The following NR2F1-AS1 variants were observed in gnomAD, a reference collection of about 807,000 sequenced individuals.
The protein encoded by NR2F1-AS1 is NR2F1 antisense RNA 1.
At chr5:93,491,737 A>G in intron 4 of NR2F1-AS1, among the ~76,000 whole-genome samples, 1 of 152,164 alleles carries the variant, frequency 6.6e-6, no homozygotes, top group East Asian at 1.9e-4. Context: ...CTTGGACATC[A>G]AGGCTCCTGG....
rs943797842 is a variant in NR2F1-AS1 at position 93,489,060 on chromosome 5, G to T, written n.638+64701C>A. Among the ~76,000 whole-genome samples the T allele has an allele frequency of 2.6e-5, 4 of 152,206 alleles. No individual in the cohort carries two copies. The East Asian group carries it at 7.7e-4, about 29-fold the overall frequency. On this transcript the variant is annotated intron_variant and non_coding_transcript_variant, in intron 4 of 5. Coordinates refer to ENST00000660523, the Ensembl canonical transcript of NR2F1-AS1. ...GGGAGTTGAACAATGAGAACACATG[G>T]ACACAGTGGGGGAACATCACACAGT...
intron 4 of NR2F1-AS1, among the ~76,000 whole-genome samples, chr5:93,487,034 T>C (rs181638732): frequency 5.3e-5 from 8 of 152,202 alleles, no homozygotes; most frequent in Admixed American, 5.2e-4. Context: ...AGGCCTTTGA[T>C]AAAATTCAAC....
chr5:93,561,430 T>C (rs1193739591), intron 2 of NR2F1-AS1, among the ~76,000 whole-genome samples: 1 of 152,110 alleles, frequency 6.6e-6, no homozygotes, highest in Admixed American at 6.5e-5. Context: ...AGCATCAGCA[T>C]CAAAGCTAAT....
At chr5:93,512,000 CTA>C (rs1751305334) in intron 4 of NR2F1-AS1, among the ~76,000 whole-genome samples, 1 of 152,056 alleles carries the variant, frequency 6.6e-6, no homozygotes, top group Non-Finnish European at 1.5e-5. Context: ...TAATAAATGA[CTA>C]TGTTACTGGC....
At chr5:93,560,172 A>G (rs1199826687) in intron 2 of NR2F1-AS1, among the ~76,000 whole-genome samples, 1 of 152,220 alleles carries the variant, frequency 6.6e-6, no homozygotes, top group African/African-American at 2.4e-5. Context: ...AATGTGCTTA[A>G]CAGATATTAA....
exon 1 of NR2F1-AS1, chr5:93,580,711 T>G (rs2149935851): frequency 6.5e-6 from 1 of 152,770 alleles, no homozygotes; most frequent in East Asian, 1.9e-4. Flanking sequence ...GAGTACGATT[T>G]AGAATCTGTA....
intron 4 of NR2F1-AS1, among the ~76,000 whole-genome samples, chr5:93,435,154 G>T (rs1478781416): frequency 6.6e-6 from 1 of 152,122 alleles, no homozygotes; most frequent in African/African-American, 2.4e-5. Context: ...TTGCTATAGT[G>T]GTTGCAAAAT....
chr5:93,521,219 C>A (rs1425372413), intron 4 of NR2F1-AS1, among the ~76,000 whole-genome samples: 2 of 152,088 alleles, frequency 1.3e-5, no homozygotes, highest in Non-Finnish European at 2.9e-5. Context: ...AAAATCAACC[C>A]AAGATGGATT....
intron 1 of NR2F1-AS1, among the ~76,000 whole-genome samples, chr5:93,564,209 C>T (rs1467233186): frequency 6.9e-6 from 1 of 145,044 alleles, no homozygotes; most frequent in Admixed American, 7.1e-5. Flanking sequence ...GCAGCGTCAC[C>T]CACCCTAAAG....
rs1258522195 is a variant in NR2F1-AS1 at position 93,426,782 on chromosome 5, T to C, written n.639-31240A>G. Among the ~76,000 whole-genome samples, 3 of 152,198 alleles carry C rather than the reference T, an allele frequency of 2.0e-5. No homozygotes were observed. The East Asian group carries it at 5.8e-4, about 29-fold the overall frequency. Reference sequence around the variant, plus strand: ...GGTAAAAGGAAGAAGAGTGGGAAAGTAAAGAGTGGCAGATAAACAACTTCG... The same window carrying C: ...GGTAAAAGGAAGAAGAGTGGGAAAGCAAAGAGTGGCAGATAAACAACTTCG... On this transcript the variant is annotated intron_variant and non_coding_transcript_variant, in intron 4 of 5. Transcript: ENST00000660523.
intron 4 of NR2F1-AS1, among the ~76,000 whole-genome samples, chr5:93,479,940 G>A (rs1375371661): frequency 6.6e-6 from 1 of 151,968 alleles, no homozygotes; most frequent in Non-Finnish European, 1.5e-5. Flanking sequence ...CAAAAGAAAT[G>A]TTTATCAAAC....
chr5:93,481,081 A>T (rs988403521), intron 4 of NR2F1-AS1, among the ~76,000 whole-genome samples: 5 of 152,164 alleles, frequency 3.3e-5, no homozygotes, highest in Middle Eastern at 3.4e-3. Flanking sequence ...TGTAGAAAAA[A>T]TTTTTTAAAA....
chr5:93,553,335 C>T (rs142612237), intron 4 of NR2F1-AS1, among the ~76,000 whole-genome samples: 1 of 152,224 alleles, frequency 6.6e-6, no homozygotes, highest in East Asian at 1.9e-4. Context: ...AGTGATCTCG[C>T]CTTGGCCTCC....
At chr5:93,564,863 C>T (rs955173877) in intron 1 of NR2F1-AS1, among the ~76,000 whole-genome samples, 1 of 152,142 alleles carries the variant, frequency 6.6e-6, no homozygotes, top group Non-Finnish European at 1.5e-5. Flanking sequence ...ATATTTATTA[C>T]ATTATATCTA....
chr5:93,438,762 A>G (rs1749496803), intron 4 of NR2F1-AS1: 1 of 152,232 alleles, frequency 6.6e-6, no homozygotes, highest in African/African-American at 2.4e-5. Context: ...AAGGAGGTGG[A>G]AGAGGAGAAA....
In NR2F1-AS1 at chr5:93,474,683, C is replaced by A. The variant is rs117233969; in HGVS notation, n.638+79078G>T. Among the ~76,000 whole-genome samples, 25 of 152,236 alleles carry A rather than the reference C, an allele frequency of 1.6e-4. No individual in the cohort carries two copies. In the East Asian group the frequency reaches 4.8e-3, roughly 29 times the overall value. ...GTGTATTTTTATAATGGCACTAATA[C>A]CATTCATGAGGGCTCCTATGACCTA... On this transcript the variant is annotated intron_variant and non_coding_transcript_variant, in intron 4 of 5. Coordinates refer to ENST00000660523, the Ensembl canonical transcript of NR2F1-AS1.
chr5:93,508,988 C>G (rs1751241713), intron 4 of NR2F1-AS1, among the ~76,000 whole-genome samples: 1 of 152,184 alleles, frequency 6.6e-6, no homozygotes, highest in South Asian at 2.1e-4. Flanking sequence ...TTACAACCAA[C>G]AAGCACACAC....
intron 4 of NR2F1-AS1, among the ~76,000 whole-genome samples, chr5:93,548,891 AAAAT>A (rs1468550626): frequency 2.0e-5 from 3 of 152,146 alleles, no homozygotes; most frequent in African/African-American, 2.4e-5. Context: ...AAATACATAA[AAAAT>A]AAACAAGTAA....
At chr5:93,541,703 A>C (rs1751953985) in intron 4 of NR2F1-AS1, among the ~76,000 whole-genome samples, 1 of 151,940 alleles carries the variant, frequency 6.6e-6, no homozygotes, top group Non-Finnish European at 1.5e-5. Flanking sequence ...CAACCTTTCC[A>C]CCTGTCCTGC....
Sources: allele counts gnomAD v4.1 joint callset (sites outside exome capture counted in the v4.1 genomes callset), GRCh38; gene constraint gnomAD v4.1.1; transcripts MANE v1.5; gene names NCBI Gene and HGNC (gene_info 2026-07-23, HGNC 2026-07-21).